The following PAWR variants were observed in gnomAD, a reference collection of about 807,000 sequenced individuals.
PAWR encodes the protein pro-apoptotic WT1 regulator, also known as PRKC apoptosis WT1 regulator protein.
In PAWR, 23 loss-of-function variants were observed where a neutral mutation model predicts 32.0. That is an observed-to-expected ratio of 0.72 (90% confidence interval 0.52 to 1.02). The LOEUF is 1.02. Among genes scored for constraint, PAWR ranks in the 50% least tolerant of loss-of-function variants. The probability of loss-of-function intolerance (pLI) is 0.00; values close to 1 mark genes in which losing one functional copy is unlikely to be tolerated. For missense variants in PAWR, 457 were observed against 437.7 expected (o/e 1.04, Z -0.39); for synonymous variants, 226 against 187.1 (o/e 1.21, Z -1.70).
chr12:79,617,058 T>C (rs147431378), intron 3 of PAWR, among the ~76,000 whole-genome samples: 3 of 152,296 alleles, frequency 2.0e-5, no homozygotes, highest in African/African-American at 7.2e-5. Context: ...TGTTATTTTA[T>C]AGTGATTCTT....
chr12:79,652,377 C>T (rs1876890429), intron 2 of PAWR, among the ~76,000 whole-genome samples: 1 of 152,142 alleles, frequency 6.6e-6, no homozygotes, highest in South Asian at 2.1e-4. Context: ...CTAAGTAATA[C>T]AAAGATACTC....
At chr12:79,662,636 TAA>T (rs1185687149) in intron 2 of PAWR, among the ~76,000 whole-genome samples, 1 of 152,162 alleles carries the variant, frequency 6.6e-6, no homozygotes, top group Non-Finnish European at 1.5e-5. Flanking sequence ...CACTCATACA[TAA>T]AGACAAAAAA....
chr12:79,603,665 C>CAATTT (rs1565998443), intron 4 of PAWR: 2 of 141,452 alleles, frequency 1.4e-5, no homozygotes, highest in African/African-American at 5.3e-5. Flanking sequence ...CATCATTATG[C>CAATTT]TATTTTTTTT....
At chr12:79,625,130 G>C (rs1875224848) in intron 2 of PAWR, among the ~76,000 whole-genome samples, 1 of 152,056 alleles carries the variant, frequency 6.6e-6, no homozygotes, top group East Asian at 1.9e-4. Flanking sequence ...TGTAATTTTA[G>C]CAGCAGTTCC....
intron 2 of PAWR, among the ~76,000 whole-genome samples, chr12:79,628,409 G>A (rs2136735968): frequency 6.6e-6 from 1 of 152,142 alleles, no homozygotes; most frequent in Middle Eastern, 3.4e-3. Flanking sequence ...ATCTAGAAAA[G>A]CAAGAGCAAA....
intron 2 of PAWR, among the ~76,000 whole-genome samples, chr12:79,640,577 T>TA (rs1224484122): frequency 1.3e-5 from 2 of 151,728 alleles, no homozygotes; most frequent in Admixed American, 6.6e-5. Flanking sequence ...TCTGTCTCTA[T>TA]AAAAAATACC....
chr12:79,632,772 C>T lies in PAWR; in HGVS notation c.517-11565G>A, dbSNP rs148927337. ...GTAACAAATAGATATCCATATATAC[C>T]CTCCCACTAAAAGGAAAAAGTTAAC... On this transcript the variant is annotated intron_variant, in intron 2 of 6. Coordinates refer to ENST00000328827, the MANE Select transcript of PAWR (RefSeq NM_002583.4). 7.8e-3 allele frequency among the ~76,000 whole-genome samples: 1,177 copies of T among 151,654 alleles called. 57 individuals are homozygous for T. The highest frequency in any genetic ancestry group is 0.016 in the East Asian group (84 of 5,116).
chr12:79,689,866 C>G lies in PAWR; in HGVS notation c.379G>C (p.Glu127Gln). 6.4e-7 allele frequency: 1 copy of G among 1,571,804 alleles called. No individual in the cohort carries two copies. Among genetic ancestry groups the G allele is most frequent in the Non-Finnish European group, 8.6e-7 (1 of 1,159,894 alleles). ...TCTGGGACGCCGTCCGGCTCCTCCT[C>G]GTCACGCTGGGGCGGCGGTGCAGCC... The part of the protein sequence containing the change: ...ASAAPPPQRD[E>Q]EEPDGVPEKG... The change falls in exon 2 of 7, where the codon GAG becomes CAG. Residue 127 changes from glutamate to glutamine, a missense_variant. Coordinates refer to ENST00000328827, the MANE Select transcript of PAWR (RefSeq NM_002583.4).
At position 79,621,105 on chromosome 12, in the gene PAWR, G is replaced by T. The variant is rs1431929582; in HGVS notation, c.619C>A (p.Leu207Ile). 1 of 1,607,622 alleles carries T rather than the reference G, an allele frequency of 6.2e-7. No homozygotes were observed. Among genetic ancestry groups the T allele is most frequent in the Non-Finnish European group, 8.5e-7 (1 of 1,176,782 alleles). ...NTIQNEAVNLLDPGSSYLLQE... is the reference protein window; with the variant it reads ...NTIQNEAVNLIDPGSSYLLQE... ...AGCAGATAGGAACTGCCTGGATCTA[G>T]TAAGTTTACAGCTTCATTCTGAATA... is the stretch of plus-strand genomic sequence containing the variant. Residue 207 changes from leucine to isoleucine, a missense_variant, in exon 3 of 7, where the codon CTA becomes ATA. Transcript: ENST00000328827.
At chr12:79,632,339 A>ATG (rs1875718620) in intron 2 of PAWR, among the ~76,000 whole-genome samples, 2 of 53,028 alleles carry the variant, frequency 3.8e-5, no homozygotes, top group Admixed American at 2.1e-4. Context: ...ATATATATAT[A>ATG]TATATATATA....
intron 5 of PAWR, 142 bp downstream of exon 5, chr12:79,596,369 A>G: frequency 1.9e-6 from 1 of 536,360 alleles, no homozygotes; most frequent in South Asian, 3.2e-5. Flanking sequence ...GGCTTTTAAT[A>G]TACTAAAGGT....
At chr12:79,664,657 G>GC (rs1877512882) in intron 2 of PAWR, among the ~76,000 whole-genome samples, 2 of 69,820 alleles carry the variant, frequency 2.9e-5, no homozygotes, top group South Asian at 8.6e-4. Context: ...AGACTCTTTG[G>GC]CGGGGGGGGG....
intron 2 of PAWR, among the ~76,000 whole-genome samples, chr12:79,677,318 G>A (rs575643139): frequency 1.1e-4 from 17 of 152,140 alleles, no homozygotes; most frequent in African/African-American, 4.1e-4. Context: ...TTATTTTGTG[G>A]GTGGCTTCAA....
chr12:79,589,752 C>A lies in PAWR; in HGVS notation c.*2855G>T, dbSNP rs1321871931. 6.6e-6 allele frequency: 1 copy of A among 152,130 alleles called. No individual in the cohort carries two copies. The allele number at this position is 152,130 out of a possible 1,614,324, so 9.4% of individuals were successfully genotyped here. A position where few individuals can be genotyped will look rare whatever the true frequency, so the allele number is the denominator to read the frequency against. Reference sequence around the variant, plus strand: ...CAAGTCATGTTCATTTTAAAGATGACAAACTTACTATTTTGAAAATGAGCT... The same window carrying A: ...CAAGTCATGTTCATTTTAAAGATGAAAAACTTACTATTTTGAAAATGAGCT... On this transcript the variant is annotated 3_prime_UTR_variant, in exon 7 of 7. Coordinates refer to ENST00000328827, the MANE Select transcript of PAWR (RefSeq NM_002583.4).
At chr12:79,641,963 A>G (rs532132648) in intron 2 of PAWR, among the ~76,000 whole-genome samples, 1 of 151,240 alleles carries the variant, frequency 6.6e-6, no homozygotes, top group South Asian at 2.1e-4. Context: ...CTACAAGGGG[A>G]CCTGGAGAGG....
rs113304695 is a variant in PAWR, at chr12:79,632,882, C to A, written c.517-11675G>T. ...GACACGGTGGCTCATGGCTGTAATC[C>A]CGGCACTTTGGGAGGCTGAGGTGGG... On this transcript the variant is annotated intron_variant, in intron 2 of 6. Coordinates refer to ENST00000328827, the MANE Select transcript of PAWR (RefSeq NM_002583.4). 1.0e-2 allele frequency among the ~76,000 whole-genome samples: 1,518 copies of A among 152,070 alleles called. 35 individuals are homozygous for A. Among genetic ancestry groups the A allele is most frequent in the African/African-American group, 0.034 (1,427 of 41,464 alleles).
chr12:79,596,493 A>G lies in PAWR; in HGVS notation c.831+18T>C. ...GGTATATTAATTTTATCAATCTTAA[A>G]TAACTTATAATCCATACCTTTTCAA... is the stretch of plus-strand genomic sequence containing the variant. On this transcript the variant is annotated intron_variant, in intron 5 of 6. Transcript: ENST00000328827. The G allele has an allele frequency of 3.1e-6, 4 of 1,310,242 alleles. No individual in the cohort carries two copies. The highest frequency in any genetic ancestry group is 4.2e-6 in the Non-Finnish European group (4 of 941,854). 81.2% of individuals were successfully genotyped at this position (1,310,242 alleles called of 1,614,324 possible).
At chr12:79,680,955 A>G (rs1341701300) in intron 2 of PAWR, among the ~76,000 whole-genome samples, 2 of 151,776 alleles carry the variant, frequency 1.3e-5, no homozygotes, top group Non-Finnish European at 2.9e-5. Flanking sequence ...CTCTACAAAC[A>G]AATTAAAAAA....
Position 79,610,921 on chromosome 12 carries a change from C to T in PAWR, c.683+2654G>A, listed in dbSNP as rs191904501. ...TTAAACACATTTTTATAAGGAAAACCGGGAATATGTAAGACACATTCCACG... is the reference window on the plus strand; with the variant it reads ...TTAAACACATTTTTATAAGGAAAACTGGGAATATGTAAGACACATTCCACG... On this transcript the variant is annotated intron_variant, in intron 4 of 6. Transcript: ENST00000328827. Among the ~76,000 whole-genome samples the T allele has an allele frequency of 9.9e-5, 15 of 151,250 alleles. No homozygotes were observed. The South Asian group carries it at 1.3e-3, about 13-fold the overall frequency.
Sources: gnomAD v4.1 joint callset for allele counts (sites outside exome capture counted in the v4.1 genomes callset) on GRCh38, gnomAD v4.1.1 for gene constraint, MANE v1.5 for transcripts, NCBI Gene and HGNC (gene_info 2026-07-23, HGNC 2026-07-21) for gene names.